MBNL2: variants seen among roughly 807,000 people sequenced by gnomAD.
The protein encoded by MBNL2 is muscleblind-like protein 2.
In MBNL2, 17 loss-of-function variants were observed where a neutral mutation model predicts 41.9. The observed-to-expected ratio is 0.41, with a 90% confidence interval of 0.28 to 0.61. The LOEUF (loss-of-function observed/expected upper bound fraction) is 0.61. Ranked by LOEUF, MBNL2 falls within the 20% of genes least tolerant of loss-of-function variation. The pLI is 0.35. For missense variants in MBNL2, 336 were observed against 505.6 expected (o/e 0.66, Z 3.22); for synonymous variants, 195 against 182.9 (o/e 1.07, Z -0.53).
rs114533318 is a variant in MBNL2, at chr13:97,299,010, A to G, written c.174+22601A>G. On this transcript the variant is annotated intron_variant, in intron 2 of 8. Transcript: ENST00000679496. ...GATCATAGTGAAGAGAATAGCTTGT[A>G]GTGTACTTGGCTGGTTTGGGAAGAA... is the stretch of plus-strand genomic sequence containing the variant. Among the ~76,000 whole-genome samples the G allele has an allele frequency of 5.1e-3, 784 of 152,276 alleles. 3 individuals are homozygous for G. Among genetic ancestry groups the G allele is most frequent in the African/African-American group, 0.017 (722 of 41,558 alleles).
chr13:97,284,646 A>C (rs1209886144), intron 2 of MBNL2, among the ~76,000 whole-genome samples: 1 of 152,224 alleles, frequency 6.6e-6, no homozygotes, highest in Non-Finnish European at 1.5e-5. Context: ...AATATAATAT[A>C]TACACCTAGA....
At chr13:97,187,592 T>TGAAAA in the MBNL2 span, among the ~76,000 whole-genome samples, 1 of 19,578 alleles carries the variant, frequency 5.1e-5, no homozygotes, top group South Asian at 2.0e-3. Flanking sequence ...ACTATGCAGC[T>TGAAAA]TAAAAAAAAA....
the MBNL2 span, among the ~76,000 whole-genome samples, chr13:97,205,214 T>A: frequency 2.6e-4 from 37 of 142,176 alleles, no homozygotes; most frequent in South Asian, 4.3e-4. Flanking sequence ...ATTATTTATA[T>A]ATTTATATTA....
At chr13:97,331,421 A>G (rs572020020) in intron 2 of MBNL2, among the ~76,000 whole-genome samples, 1 of 152,292 alleles carries the variant, frequency 6.6e-6, no homozygotes, top group African/African-American at 2.4e-5. Context: ...GGTCCATGCA[A>G]ATAATTGTTT....
the MBNL2 span, chr13:97,179,381 C>T: frequency 4.6e-5 from 7 of 152,214 alleles, no homozygotes; most frequent in Admixed American, 4.6e-4. Context: ...TTTCTTCACA[C>T]CTCCTCCAAA....
At chr13:97,152,361 A>T in the MBNL2 span, among the ~76,000 whole-genome samples, 2 of 152,086 alleles carry the variant, frequency 1.3e-5, no homozygotes, top group Non-Finnish European at 2.9e-5. Flanking sequence ...AAAAGAGAAA[A>T]CAGAGAGGAA....
At position 97,268,462 on chromosome 13, in the gene MBNL2, C is replaced by T. The variant is rs2050282339; in HGVS notation, c.-604-7170C>T. Among the ~76,000 whole-genome samples, 1 of 152,118 alleles carries T rather than the reference C, an allele frequency of 6.6e-6. No homozygotes were observed. Among genetic ancestry groups the T allele is most frequent in the African/African-American group, 2.4e-5 (1 of 41,396 alleles). ...TGCTGCTGCTGGCCCAGGCACAACA[C>T]TTTAAAAACCGCTGGACTAAAGATC... On this transcript the variant is annotated intron_variant, in intron 1 of 8. Coordinates refer to ENST00000679496, the MANE Select transcript of MBNL2 (RefSeq NM_001382683.1). This position sits in a 1 kb window ranked among gnomAD's most constrained non-coding sequence, Gnocchi z 4.6.
chr13:97,258,756 G>C (rs543580047), intron 1 of MBNL2, among the ~76,000 whole-genome samples: 5 of 152,214 alleles, frequency 3.3e-5, no homozygotes, highest in Non-Finnish European at 7.3e-5. Flanking sequence ...TGTGGAAAGA[G>C]TTTGGACAAC....
the MBNL2 span, among the ~76,000 whole-genome samples, chr13:97,182,395 T>C: frequency 6.6e-6 from 1 of 152,246 alleles, no homozygotes; most frequent in East Asian, 1.9e-4. Context: ...TTTTTCCTTC[T>C]TTGCTATGCA....
At chr13:97,362,036 T>C (rs1333925109) in intron 7 of MBNL2, among the ~76,000 whole-genome samples, 3 of 152,244 alleles carry the variant, frequency 2.0e-5, no homozygotes, top group East Asian at 1.9e-4. Flanking sequence ...CCTCCCAAAG[T>C]GCTGGGATTA....
intron 1 of MBNL2, among the ~76,000 whole-genome samples, chr13:97,234,890 A>C (rs575508749): frequency 1.3e-5 from 2 of 152,308 alleles, no homozygotes; most frequent in South Asian, 4.2e-4. Context: ...AGCAGCTTAG[A>C]GACACACTTC....
chr13:97,150,377 A>G, the MBNL2 span, among the ~76,000 whole-genome samples: 1 of 152,210 alleles, frequency 6.6e-6, no homozygotes, highest in Non-Finnish European at 1.5e-5. Context: ...AGTACATTCT[A>G]ACGAGTTTTT....
chr13:97,159,601 A>G, the MBNL2 span, among the ~76,000 whole-genome samples: 1 of 151,554 alleles, frequency 6.6e-6, no homozygotes, highest in African/African-American at 2.4e-5. Flanking sequence ...GGTGGTGACA[A>G]AATCTCTCAG....
the MBNL2 span, among the ~76,000 whole-genome samples, chr13:97,161,102 T>C: frequency 8.5e-5 from 13 of 152,344 alleles, no homozygotes; most frequent in South Asian, 2.1e-4. Flanking sequence ...TATCTTCTTT[T>C]TGAGAAAATT....
the MBNL2 span, among the ~76,000 whole-genome samples, chr13:97,143,885 C>A: frequency 6.6e-6 from 1 of 152,044 alleles, no homozygotes; most frequent in Non-Finnish European, 1.5e-5. Flanking sequence ...GCTCTGTCAC[C>A]CAGGCTGGAG....
chr13:97,289,498 C>A (rs188992435), intron 2 of MBNL2, among the ~76,000 whole-genome samples: 207 of 152,266 alleles, frequency 1.4e-3, no homozygotes, highest in Middle Eastern at 3.4e-3. Context: ...GTTGGGATAG[C>A]TGGAAAATAC....
chr13:97,391,562 C>A lies in MBNL2; in HGVS notation c.*113C>A. The A allele has an allele frequency of 1.5e-6, 1 of 684,990 alleles. No individual in the cohort carries two copies. Among genetic ancestry groups the A allele is most frequent in the Non-Finnish European group, 2.6e-6 (1 of 386,988 alleles). 42.4% of individuals were successfully genotyped at this position (684,990 alleles called of 1,614,324 possible). On this transcript the variant is annotated 3_prime_UTR_variant, in exon 9 of 9. Transcript: ENST00000679496. ...GTATATTCCAACCTAAGATAGTTAA[C>A]TACCTGAGACCAGCTGTGATGTTTA...
At chr13:97,266,418 C>T (rs1375115325) in intron 1 of MBNL2, among the ~76,000 whole-genome samples, 5 of 152,208 alleles carry the variant, frequency 3.3e-5, no homozygotes, top group Non-Finnish European at 5.9e-5. Flanking sequence ...CTGTGTTTCC[C>T]TTGGTTCACT....
At chr13:97,141,930 T>A in the MBNL2 span, among the ~76,000 whole-genome samples, 1 of 152,204 alleles carries the variant, frequency 6.6e-6, no homozygotes, top group Non-Finnish European at 1.5e-5. Flanking sequence ...CACCGTGTGA[T>A]CACCTTTTCT....
Sources: allele counts gnomAD v4.1 joint callset (sites outside exome capture counted in the v4.1 genomes callset), GRCh38; gene constraint gnomAD v4.1.1; non-coding constraint Gnocchi (gnomAD v3.1); transcripts MANE v1.5; gene names NCBI Gene and HGNC (gene_info 2026-07-23, HGNC 2026-07-21).